Variants in SLC22A2 observed in about 807,000 individuals in gnomAD.
The protein encoded by SLC22A2 is organic cation transporter 2.
In SLC22A2, 46 loss-of-function variants were observed where a neutral mutation model predicts 60.5. That is an observed-to-expected ratio of 0.76 (90% CI 0.60 to 0.97). SLC22A2 has a LOEUF of 0.97. SLC22A2 is among the 50% of genes least tolerant of loss of function. The probability of loss-of-function intolerance (pLI) is 0.00; values close to 1 mark genes in which losing one functional copy is unlikely to be tolerated. For missense variants in SLC22A2, 701 were observed against 706.6 expected, an observed-to-expected ratio of 0.99 and a Z score of 0.09; for synonymous variants, 303 against 267.0, an observed-to-expected ratio of 1.13 and a Z score of -1.31.
chr6:160,243,452 C>A (rs564641141), intron 7 of SLC22A2, 120 bp downstream of exon 7: 1 of 809,278 alleles, frequency 1.2e-6, no homozygotes, highest in African/African-American at 1.7e-5. Context: ...ATACTGCCCT[C>A]CAATTTGTCT....
intron 4 of SLC22A2, 50 bp from the exon 5 acceptor site, chr6:160,247,348 C>T: frequency 3.2e-6 from 3 of 936,134 alleles, no homozygotes; most frequent in Non-Finnish European, 5.2e-6. Flanking sequence ...CCTCCTTACC[C>T]CATCCCCCAT....
At chr6:160,254,581 A>G (rs1445196121) in intron 2 of SLC22A2, among the ~76,000 whole-genome samples, 1 of 152,236 alleles carries the variant, frequency 6.6e-6, no homozygotes, top group Non-Finnish European at 1.5e-5. Flanking sequence ...TGGAAATTGT[A>G]GGCATTAACT....
intron 2 of SLC22A2, among the ~76,000 whole-genome samples, chr6:160,253,882 C>T (rs1783226592): frequency 6.6e-6 from 1 of 152,150 alleles, no homozygotes; most frequent in Admixed American, 6.5e-5. Context: ...AAGTGAACCA[C>T]AGTGGGTATA....
intron 10 of SLC22A2, among the ~76,000 whole-genome samples, chr6:160,221,959 T>C (rs1782649982): frequency 6.6e-6 from 1 of 152,146 alleles, no homozygotes; most frequent in South Asian, 2.1e-4. Context: ...ATGCTGCAAA[T>C]AAACTTGCTT....
At chr6:160,233,167 C>T (rs1436533181) in intron 9 of SLC22A2, among the ~76,000 whole-genome samples, 1 of 151,968 alleles carries the variant, frequency 6.6e-6, no homozygotes, top group African/African-American at 2.4e-5. Flanking sequence ...ACTCACATGC[C>T]CCGAGTCAGG....
chr6:160,246,254 A>G (rs1421040430), intron 5 of SLC22A2, among the ~76,000 whole-genome samples: 1 of 151,806 alleles, frequency 6.6e-6, no homozygotes, highest in Non-Finnish European at 1.5e-5. Context: ...ACCTGCCTCT[A>G]CCTCCCAAAG....
chr6:160,236,663 G>A (rs1782916842), intron 9 of SLC22A2, among the ~76,000 whole-genome samples: 1 of 152,180 alleles, frequency 6.6e-6, no homozygotes, highest in African/African-American at 2.4e-5. Flanking sequence ...TTAACTGGTA[G>A]AGCCAATAAA....
intron 4 of SLC22A2, among the ~76,000 whole-genome samples, chr6:160,248,464 C>T (rs1326315915): frequency 2.6e-5 from 4 of 152,174 alleles, no homozygotes; most frequent in African/African-American, 9.7e-5. Context: ...AAGAAACAGG[C>T]TTCTGGGAAA....
intron 1 of SLC22A2, 135 bp from the exon 2 acceptor site, chr6:160,256,852 AG>A (rs1783281001): frequency 1.6e-6 from 1 of 617,290 alleles, no homozygotes; most frequent in African/African-American, 1.9e-5. Flanking sequence ...AGTGGCAATA[AG>A]CCATTGTTTC....
At position 160,250,559 on chromosome 6, in the gene SLC22A2, C is replaced by G; in HGVS notation, c.662G>C (p.Gly221Ala). 3.7e-6 allele frequency: 6 copies of G among 1,614,000 alleles called. No individual in the cohort carries two copies. Among genetic ancestry groups the G allele is most frequent in the Non-Finnish European group, 5.1e-6 (6 of 1,179,938 alleles). The change falls in exon 3 of 11, where the codon GGC becomes GCC. Residue 221 changes from glycine to alanine, a missense_variant. Transcript: ENST00000366953. ...GLVSKAGWLI[G>A]YILITEFVGR... is the part of the protein sequence containing the mutation. ...ACAAACATTCTTACTCAGGATGTAG[C>G]CTATTAACCAGCCTGCTTTGCTGAC...
At chr6:160,238,691 C>T (rs315984) in intron 9 of SLC22A2, among the ~76,000 whole-genome samples, 106,165 of 152,094 alleles carry the variant, frequency 0.7, 38,913 homozygotes, top group Admixed American at 0.82. Context: ...TTCCACTAGC[C>T]ACTCATACTA....
chr6:160,258,449 G>A lies in SLC22A2; in HGVS notation c.309C>T (p.Cys103=), dbSNP rs781688839. 5 of 1,614,034 alleles carry A rather than the reference G, an allele frequency of 3.1e-6. No individual in the cohort carries two copies. The highest frequency in any genetic ancestry group is 3.3e-5 in the Admixed American group (2 of 60,008). ...EVDWNQSTFD[C]VDPLASLDTN... is the part of the protein sequence containing the mutation. ...TGTCCAGGCTGGCCAGGGGGTCCAC[G>A]CAGTCGAAGGTGCTCTGGTTCCAGT... Residue 103 remains cysteine, a synonymous_variant, in exon 1 of 11, where the codon TGC becomes TGT. Transcript: ENST00000366953.
rs767010128 is a variant in SLC22A2 at position 160,258,394 on chromosome 6, A to T, written c.364T>A (p.Cys122Ser). Reference protein sequence around the residue: ...TNRSRLPLGPCRDGWVYETPG... With the variant: ...TNRSRLPLGPSRDGWVYETPG... ...GTCTCGTACACCCAGCCGTCCCGGCAGGGGCCCAGTGGCAGGCGGCTCCTG... is the reference window on the plus strand; with the variant it reads ...GTCTCGTACACCCAGCCGTCCCGGCTGGGGCCCAGTGGCAGGCGGCTCCTG... The change falls in exon 1 of 11, where the codon TGC becomes AGC. Residue 122 changes from cysteine (C) to serine (S), a missense_variant. Coordinates refer to ENST00000366953, the MANE Select transcript of SLC22A2 (RefSeq NM_003058.4). 6.2e-7 allele frequency: 1 copy of T among 1,613,908 alleles called. No individual in the cohort carries two copies. The highest frequency in any genetic ancestry group is 1.3e-5 in the African/African-American group (1 of 75,052).
chr6:160,243,555 C>T lies in SLC22A2; in HGVS notation c.1279+17G>A. The T allele has an allele frequency of 6.3e-7, 1 of 1,588,648 alleles. No individual in the cohort carries two copies. The highest frequency in any genetic ancestry group is 8.6e-7 in the Non-Finnish European group (1 of 1,156,932). On this transcript the variant is annotated intron_variant, in intron 7 of 10. Coordinates refer to ENST00000366953, the MANE Select transcript of SLC22A2 (RefSeq NM_003058.4). ...CAGGGTCTTGGAGATAAGACTCCAA[C>T]TTCACCTGAAACTTACCACCAGGTA...
At chr6:160,254,444 T>C (rs929462427) in intron 2 of SLC22A2, among the ~76,000 whole-genome samples, 1 of 152,210 alleles carries the variant, frequency 6.6e-6, no homozygotes, top group Non-Finnish European at 1.5e-5. Flanking sequence ...TTATTTACAA[T>C]CTTTTCATAA....
intron 9 of SLC22A2, among the ~76,000 whole-genome samples, chr6:160,233,845 C>T (rs117736425): frequency 6.6e-6 from 1 of 151,820 alleles, no homozygotes; most frequent in Non-Finnish European, 1.5e-5. Context: ...TCCATACCAC[C>T]CCCCAAAATT....
At chr6:160,226,487 G>T (rs986856109) in intron 9 of SLC22A2, among the ~76,000 whole-genome samples, 1 of 152,100 alleles carries the variant, frequency 6.6e-6, no homozygotes, top group Non-Finnish European at 1.5e-5. Flanking sequence ...AGTCAAATGC[G>T]GCCAACTGTT....
chr6:160,221,875 G>A (rs1383107335), intron 10 of SLC22A2, among the ~76,000 whole-genome samples: 1 of 152,160 alleles, frequency 6.6e-6, no homozygotes, highest in Non-Finnish European at 1.5e-5. Context: ...GATAATAATG[G>A]AAAAGTTTAA....
At chr6:160,221,140 C>T (rs752233508) in intron 10 of SLC22A2, among the ~76,000 whole-genome samples, 2 of 152,214 alleles carry the variant, frequency 1.3e-5, no homozygotes, top group African/African-American at 2.4e-5. Flanking sequence ...AGTGTGATCA[C>T]CTTTATCAGT....
Sources: gnomAD v4.1 joint callset for allele counts (sites outside exome capture counted in the v4.1 genomes callset) on GRCh38, gnomAD v4.1.1 for gene constraint, MANE v1.5 for transcripts, NCBI Gene and HGNC (gene_info 2026-07-23, HGNC 2026-07-21) for gene names.